Variants in MTREX observed in about 807,000 individuals in gnomAD.
MTREX encodes Mtr4 exosome RNA helicase.
MTREX carries 76 observed loss-of-function variants against 135.4 expected under a neutral mutation model. That is an observed-to-expected ratio of 0.56 (90% CI 0.47 to 0.68). The LOEUF is 0.68. Ranked by LOEUF, MTREX falls within the 30% of genes least tolerant of loss-of-function variation. The pLI, the probability that MTREX is intolerant of heterozygous loss-of-function variation, is 0.00. For missense variants in MTREX, 920 were observed against 1,262.1 expected, an observed-to-expected ratio of 0.73 and a Z score of 4.11; for synonymous variants, 404 against 401.6, an observed-to-expected ratio of 1.01 and a Z score of -0.07.
At chr5:55,382,335 A>C (rs1750408948) in intron 18 of MTREX, among the ~76,000 whole-genome samples, 1 of 152,104 alleles carries the variant, frequency 6.6e-6, no homozygotes, top group South Asian at 2.1e-4. Context: ...GTGTACATGT[A>C]TATATATGTA....
rs765284840 is a variant in MTREX at position 55,349,605 on chromosome 5, A to G, written c.1273A>G (p.Ser425Gly). Residue 425 changes from serine to glycine, a missense_variant, in exon 12 of 27, where the codon AGT (serine) becomes GGT (glycine). This residue lies in a region of MTREX where 101 missense variants were observed against 119.1 expected (regional missense o/e 0.85). Transcript: ENST00000230640. ...AAAGAAGATGGTTGAAGAAGTATTC[A>G]GTAATGCAATTGATTGCTTATCCGA... Reference protein sequence around the residue: ...EEKKMVEEVFSNAIDCLSDED... With the variant: ...EEKKMVEEVFGNAIDCLSDED... 541 of 1,604,980 alleles carry G rather than the reference A, an allele frequency of 3.4e-4. No individual in the cohort carries two copies. The highest frequency in any genetic ancestry group is 4.5e-4 in the Non-Finnish European group (528 of 1,172,096).
chr5:55,381,271 A>T (rs952021936), intron 18 of MTREX, among the ~76,000 whole-genome samples: 1 of 150,816 alleles, frequency 6.6e-6, no homozygotes, highest in Non-Finnish European at 1.5e-5. Flanking sequence ...CATCTTTTTA[A>T]TTTTCTTTCT....
chr5:55,408,240 C>A (rs1042024189), intron 22 of MTREX, among the ~76,000 whole-genome samples: 1 of 152,174 alleles, frequency 6.6e-6, no homozygotes, highest in African/African-American at 2.4e-5. Context: ...TCCTGCGATT[C>A]TTGCATATTT....
At chr5:55,379,684 T>C (rs1750362906) in intron 18 of MTREX, among the ~76,000 whole-genome samples, 1 of 151,882 alleles carries the variant, frequency 6.6e-6, no homozygotes, top group African/African-American at 2.4e-5. Flanking sequence ...CTGGACAGAG[T>C]AGTCTTTATT....
chr5:55,418,605 A>T (rs574832869), intron 25 of MTREX, among the ~76,000 whole-genome samples: 3 of 151,988 alleles, frequency 2.0e-5, no homozygotes, highest in Admixed American at 2.0e-4. Flanking sequence ...TTGAAATTAG[A>T]TCTAACATCT....
rs115349179 is a variant in MTREX at position 55,350,609 on chromosome 5, A to G, written c.1321-310A>G. On this transcript the variant is annotated intron_variant, in intron 12 of 26. Coordinates refer to ENST00000230640, the MANE Select transcript of MTREX (RefSeq NM_015360.5). The stretch of plus-strand genomic sequence containing the variant: ...CCAGTATCTTTTAAGTTTATTTTCT[A>G]CAGGCAAAAACTCTGCCCCTATAAT... Among the ~76,000 whole-genome samples the G allele has an allele frequency of 6.3e-3, 966 of 152,264 alleles. 15 individuals are homozygous for G. Among genetic ancestry groups the G allele is most frequent in the African/African-American group, 0.021 (860 of 41,558 alleles).
intron 24 of MTREX, 138 bp downstream of exon 24, chr5:55,414,376 C>A: frequency 1.5e-6 from 1 of 654,716 alleles, no homozygotes; most frequent in South Asian, 2.8e-5. Flanking sequence ...TACTTGATGT[C>A]AGTCATGTAA....
chr5:55,311,776 G>A (rs1749116958), intron 1 of MTREX, among the ~76,000 whole-genome samples: 4 of 152,126 alleles, frequency 2.6e-5, no homozygotes, highest in Admixed American at 2.0e-4. Context: ...TTTTAATTTG[G>A]TTATAATTGA....
chr5:55,329,912 C>T (rs1749442815), intron 5 of MTREX, among the ~76,000 whole-genome samples: 1 of 151,854 alleles, frequency 6.6e-6, no homozygotes. Context: ...TGTTCCAGGA[C>T]TCTTTTGGGC....
chr5:55,375,960 G>A (rs931527524), intron 16 of MTREX, among the ~76,000 whole-genome samples: 5 of 152,058 alleles, frequency 3.3e-5, no homozygotes, highest in East Asian at 1.9e-4. Context: ...AGCCTTGTTC[G>A]TTCTCTCGAT....
intron 14 of MTREX, among the ~76,000 whole-genome samples, chr5:55,355,447 G>A (rs769155914): frequency 1.3e-5 from 2 of 152,144 alleles, no homozygotes; most frequent in African/African-American, 4.8e-5. Context: ...TGTTAAGAAG[G>A]AGGCACCTGG....
chr5:55,384,300 G>A (rs1750444357), intron 18 of MTREX, among the ~76,000 whole-genome samples: 1 of 152,144 alleles, frequency 6.6e-6, no homozygotes, highest in African/African-American at 2.4e-5. Flanking sequence ...GGCTCCTCTA[G>A]TAATTTTCCT....
At chr5:55,406,383 C>T (rs917780068) in intron 22 of MTREX, among the ~76,000 whole-genome samples, 6 of 152,164 alleles carry the variant, frequency 3.9e-5, no homozygotes, top group African/African-American at 1.4e-4. Flanking sequence ...GTGGTCTCTC[C>T]ATGTGGGCTG....
At chr5:55,358,785 C>A in intron 15 of MTREX, 87 bp downstream of exon 15, 3 of 1,137,018 alleles carry the variant, frequency 2.6e-6, no homozygotes, top group Non-Finnish European at 3.7e-6. Flanking sequence ...GTCAGTCAGA[C>A]ACCTAAGTGA....
chr5:55,372,833 A>G (rs1271976065), intron 16 of MTREX, among the ~76,000 whole-genome samples: 1 of 151,956 alleles, frequency 6.6e-6, no homozygotes, highest in Non-Finnish European at 1.5e-5. Flanking sequence ...CTGTGACACC[A>G]AAAGCATGAA....
chr5:55,405,822 T>G (rs1041649849), intron 22 of MTREX, among the ~76,000 whole-genome samples: 4 of 152,186 alleles, frequency 2.6e-5, no homozygotes, highest in Non-Finnish European at 5.9e-5. Flanking sequence ...TCTTCCACAC[T>G]AAATACAGTT....
intron 5 of MTREX, among the ~76,000 whole-genome samples, chr5:55,336,789 A>G (rs1426797993): frequency 3.3e-5 from 5 of 152,074 alleles, no homozygotes; most frequent in African/African-American, 1.2e-4. Flanking sequence ...ACGATAGTGT[A>G]TTTTCAATCC....
rs1270836950 is a variant in MTREX at position 55,422,998 on chromosome 5, A to T, written c.3076+16A>T. On this transcript the variant is annotated intron_variant, in intron 26 of 26. Transcript: ENST00000230640. The stretch of plus-strand genomic sequence containing the variant: ...TTTGCAGAAGGTCAGTATCAAATGG[A>T]TAAGCTGTTTCTAATTTAGACAAAT... 3 of 1,593,670 alleles carry T rather than the reference A, an allele frequency of 1.9e-6. No individual in the cohort carries two copies. Among genetic ancestry groups the T allele is most frequent in the Non-Finnish European group, 1.7e-6 (2 of 1,163,274 alleles).
At chr5:55,323,132 T>C (rs1749315520) in intron 2 of MTREX, among the ~76,000 whole-genome samples, 1 of 152,198 alleles carries the variant, frequency 6.6e-6, no homozygotes, top group Non-Finnish European at 1.5e-5. Context: ...AGTAAAATTA[T>C]CTCCTATAAA....
Sources: allele counts gnomAD v4.1 joint callset (sites outside exome capture counted in the v4.1 genomes callset), GRCh38; gene constraint gnomAD v4.1.1; regional missense constraint gnomAD v4.1.1; transcripts MANE v1.5; gene names NCBI Gene and HGNC (gene_info 2026-07-23, HGNC 2026-07-21).